GTPBP4: variants seen among roughly 807,000 people sequenced by gnomAD.
The protein encoded by GTPBP4 is GTP-binding protein 4.
In GTPBP4, 15 loss-of-function variants were observed where a neutral mutation model predicts 81.7. That is an observed-to-expected ratio of 0.18 (90% CI 0.12 to 0.28). The LOEUF is 0.28. Among genes scored for constraint, GTPBP4 ranks in the 10% least tolerant of loss-of-function variants. The pLI is 1.00. For missense variants in GTPBP4, 847 were observed against 793.8 expected (o/e 1.07, Z -0.81); for synonymous variants, 272 against 274.6 (o/e 0.99, Z 0.09).
chr10:1,002,455 T>C (rs1286543349), intron 8 of GTPBP4, among the ~76,000 whole-genome samples: 1 of 152,246 alleles, frequency 6.6e-6, no homozygotes, highest in African/African-American at 2.4e-5. Flanking sequence ...TTTGCATCTC[T>C]TCATTTTCAG....
At chr10:1,012,414 C>A in intron 13 of GTPBP4, 51 bp from the exon 14 acceptor site, 1 of 1,275,262 alleles carries the variant, frequency 7.8e-7, no homozygotes, top group Non-Finnish European at 1.1e-6. Context: ...CTCACTGACT[C>A]AGGGGTTTTC....
chr10:1,004,969 C>G (rs1831698759), intron 8 of GTPBP4, among the ~76,000 whole-genome samples: 1 of 152,176 alleles, frequency 6.6e-6, no homozygotes. Context: ...GGGAGCACAG[C>G]TGTGAGGATG....
chr10:998,256 C>T (rs1373380164), intron 5 of GTPBP4, among the ~76,000 whole-genome samples: 1 of 152,014 alleles, frequency 6.6e-6, no homozygotes, highest in African/African-American at 2.4e-5. Context: ...CACGCCACCG[C>T]ACCTGTTTAA....
chr10:992,723 C>T, intron 2 of GTPBP4, 64 bp downstream of exon 2: 2 of 970,514 alleles, frequency 2.1e-6, no homozygotes, highest in Non-Finnish European at 3.2e-6. Context: ...CAGTGTTTAA[C>T]CAGTTTGGTG....
intron 14 of GTPBP4, 79 bp downstream of exon 14, chr10:1,012,741 C>A: frequency 1.0e-6 from 1 of 955,984 alleles, no homozygotes; most frequent in Non-Finnish European, 1.6e-6. Context: ...TAAATAACAA[C>A]TTTTCAACCC....
At position 1,017,058 on chromosome 10, in the gene GTPBP4, T is replaced by C. The variant is rs1832005964; in HGVS notation, c.1753-17T>C. The C allele has an allele frequency of 6.2e-7, 1 of 1,601,072 alleles. No homozygotes were observed. Among genetic ancestry groups the C allele is most frequent in the Non-Finnish European group, 8.5e-7 (1 of 1,173,096 alleles). On this transcript the variant is annotated splice_polypyrimidine_tract_variant and intron_variant, in intron 16 of 16. Coordinates refer to ENST00000360803, the MANE Select transcript of GTPBP4 (RefSeq NM_012341.3). Reference sequence around the variant, plus strand: ...TTTAAGTAATGAACATACTTTATTTTTTTCTCCTCCTTTTAGATGGTGAAG... The same window carrying C: ...TTTAAGTAATGAACATACTTTATTTCTTTCTCCTCCTTTTAGATGGTGAAG...
chr10:1,015,918 T>C, intron 16 of GTPBP4, 22 bp downstream of exon 16: 1 of 1,585,334 alleles, frequency 6.3e-7, no homozygotes, highest in Non-Finnish European at 8.6e-7. Flanking sequence ...TGTTGTGTAA[T>C]GTAATAAAAT....
chr10:1,006,054 G>A lies in GTPBP4; in HGVS notation c.1002+147G>A, dbSNP rs1167360834. 20 of 568,492 alleles carry A rather than the reference G, an allele frequency of 3.5e-5. 1 individual carries two copies. Among genetic ancestry groups the A allele is most frequent in the East Asian group, 3.0e-5 (1 of 33,826 alleles). 35.2% of individuals were successfully genotyped at this position (568,492 alleles called of 1,614,324 possible). A position where few individuals can be genotyped will look rare whatever the true frequency, so the allele number is the denominator to read the frequency against. On this transcript the variant is annotated intron_variant, in intron 9 of 16. Transcript: ENST00000360803. ...CGAGGCGGGTGGCGTGCGAGAGTGG[G>A]GCGTGAAGACAGACCCTTCTAAGAC...
intron 10 of GTPBP4, chr10:1,008,522 G>T (rs984038840): frequency 3.5e-6 from 1 of 288,376 alleles, no homozygotes; most frequent in Non-Finnish European, 6.8e-6. Flanking sequence ...TCAAGTGGTC[G>T]GCATTTCTGA....
chr10:1,011,202 A>G (rs181596464), intron 13 of GTPBP4, among the ~76,000 whole-genome samples: 38 of 147,642 alleles, frequency 2.6e-4, no homozygotes, highest in Admixed American at 1.2e-3. Context: ...CCCACCCTGT[A>G]TCTCCGCCAG....
chr10:1,012,534 A>G lies in GTPBP4; in HGVS notation c.1414A>G (p.Ser472Gly), dbSNP rs1342815740. 1.2e-6 allele frequency: 2 copies of G among 1,612,724 alleles called. No individual in the cohort carries two copies. Among genetic ancestry groups the G allele is most frequent in the Non-Finnish European group, 1.7e-6 (2 of 1,178,808 alleles). The part of the protein sequence containing the change: ...AAGEYDSVSE[S>G]EDEEMLEIRQ... ...TGGAGAGTATGACAGTGTATCTGAG[A>G]GTGAAGACGAAGAGATGCTGGAAAT... The change falls in exon 14 of 17, where the codon AGT becomes GGT. Residue 472 changes from serine (S) to glycine (G), a missense_variant. Transcript: ENST00000360803.
intron 16 of GTPBP4, among the ~76,000 whole-genome samples, chr10:1,016,726 C>G (rs924705898): frequency 2.0e-5 from 3 of 152,186 alleles, no homozygotes; most frequent in Non-Finnish European, 2.9e-5. Flanking sequence ...TTCATCCAGT[C>G]TTTATACAAA....
chr10:1,019,688 G>A lies in GTPBP4; in HGVS notation c.*2461G>A, dbSNP rs1225144422. 1 of 1,614,010 alleles carries A rather than the reference G, an allele frequency of 6.2e-7. No individual in the cohort carries two copies. The highest frequency in any genetic ancestry group is 2.2e-5 in the East Asian group (1 of 44,842). On this transcript the variant is annotated 3_prime_UTR_variant, in exon 17 of 17. Coordinates refer to ENST00000360803, the MANE Select transcript of GTPBP4 (RefSeq NM_012341.3). ...ACAGCTCCTCCTGGGACAGGTAGAG[G>A]ATGCTTTTCGTTTCACTGGGATCCG...
intron 1 of GTPBP4, chr10:988,779 C>T (rs1021046221): frequency 2.3e-4 from 111 of 488,138 alleles, no homozygotes; most frequent in Non-Finnish European, 3.5e-4. Flanking sequence ...GACTGAGGGC[C>T]CCCAGAGATG....
At chr10:995,894 C>A in intron 2 of GTPBP4, 35 bp from the exon 3 acceptor site, 2 of 1,266,578 alleles carry the variant, frequency 1.6e-6, no homozygotes, top group South Asian at 1.2e-5. Flanking sequence ...AACTGCTGGC[C>A]CCAAGTGACC....
At chr10:990,047 A>G (rs1831415302) in intron 1 of GTPBP4, among the ~76,000 whole-genome samples, 1 of 152,080 alleles carries the variant, frequency 6.6e-6, no homozygotes, top group Non-Finnish European at 1.5e-5. Context: ...AGATTGTAGT[A>G]TTTTCGAGTG....
At chr10:1,005,449 T>C (rs1831711616) in intron 8 of GTPBP4, among the ~76,000 whole-genome samples, 1 of 152,136 alleles carries the variant, frequency 6.6e-6, no homozygotes, top group African/African-American at 2.4e-5. Context: ...TGGCCCCTGG[T>C]GTTTTCTTTG....
At position 1,019,635 on chromosome 10, in the gene GTPBP4, C is replaced by A. The variant is rs762900392; in HGVS notation, c.*2408C>A. 5.6e-6 allele frequency: 9 copies of A among 1,614,046 alleles called. No homozygotes were observed. Among genetic ancestry groups the A allele is most frequent in the Non-Finnish European group, 6.8e-6 (8 of 1,180,024 alleles). ...TAGCCAGGGGGTGACTTTGACTTCA[C>A]CCCTCGCCTCCCTCTCCAGCAGCTC... On this transcript the variant is annotated 3_prime_UTR_variant, in exon 17 of 17. Coordinates refer to ENST00000360803, the MANE Select transcript of GTPBP4 (RefSeq NM_012341.3).
In GTPBP4 at chr10:1,019,860, T is replaced by A; in HGVS notation, c.*2633T>A. 1 of 1,479,092 alleles carries A rather than the reference T, an allele frequency of 6.8e-7. No homozygotes were observed. The highest frequency in any genetic ancestry group is 9.4e-7 in the Non-Finnish European group (1 of 1,059,134). 91.6% of individuals were successfully genotyped at this position (1,479,092 alleles called of 1,614,324 possible). A position where few individuals can be genotyped will look rare whatever the true frequency, so the allele number is the denominator to read the frequency against. ...CTATTGACAGAAATTGGTGCAGTGT[T>A]AACAACGCTAATGTAAAACACAGAA... On this transcript the variant is annotated 3_prime_UTR_variant, in exon 17 of 17. Transcript: ENST00000360803.
Sources: allele counts gnomAD v4.1 joint callset (sites outside exome capture counted in the v4.1 genomes callset), GRCh38; gene constraint gnomAD v4.1.1; transcripts MANE v1.5; gene names NCBI Gene and HGNC (gene_info 2026-07-23, HGNC 2026-07-21).